PSG6: variants seen among roughly 807,000 people sequenced by gnomAD.
The protein encoded by PSG6 is pregnancy-specific beta-1-glycoprotein 6.
A neutral mutation model predicts 43.3 loss-of-function variants in PSG6; 51 were observed. The observed-to-expected ratio is 1.18, with a 90% CI of 0.94 to 1.49. The LOEUF is 1.49. Ranked by LOEUF, PSG6 falls within the 40% of genes most tolerant of loss-of-function variation. PSG6 has a pLI of 0.00. For synonymous variants in PSG6, 292 were observed against 197.6 expected, an observed-to-expected ratio of 1.48 and a Z score of -4.01; for missense variants, 770 against 522.2, an observed-to-expected ratio of 1.47 and a Z score of -4.62.
At chr19:42,903,350 A>G (rs1972063991) in intron 5 of PSG6, among the ~76,000 whole-genome samples, 1 of 151,628 alleles carries the variant, frequency 6.6e-6, no homozygotes, top group Admixed American at 6.6e-5. Flanking sequence ...AAAAGAAGAA[A>G]GAGCTCAGGT....
chr19:42,906,435 C>T (rs1171107084), intron 5 of PSG6, among the ~76,000 whole-genome samples: 1 of 151,522 alleles, frequency 6.6e-6, no homozygotes, highest in African/African-American at 2.4e-5. Flanking sequence ...CCAGAGGAGC[C>T]CGGAGCAGAG....
At chr19:42,910,065 C>T (rs1198529353) in intron 3 of PSG6, 1 of 194,290 alleles carries the variant, frequency 5.1e-6, no homozygotes, top group Admixed American at 5.3e-5. Flanking sequence ...ATCAATCAGC[C>T]AAGAATGCTC....
At chr19:42,906,541 T>C in intron 5 of PSG6, 6 of 1,289,886 alleles carry the variant, frequency 4.7e-6, no homozygotes, top group Non-Finnish European at 4.0e-6. Flanking sequence ...CCTCAGATGT[T>C]CCTTGTAGCT....
chr19:42,916,968 C>T (rs148027846), intron 1 of PSG6, among the ~76,000 whole-genome samples: 49 of 151,562 alleles, frequency 3.2e-4, no homozygotes, highest in Admixed American at 1.4e-3. Flanking sequence ...AGAGTGTGAG[C>T]TCTGTGAGGA....
chr19:42,916,059 T>C lies in PSG6; in HGVS notation c.427+66A>G, dbSNP rs866248479. 123 of 1,599,780 alleles carry C rather than the reference T, an allele frequency of 7.7e-5. 3 individuals are homozygous for C. Among genetic ancestry groups the C allele is most frequent in the African/African-American group, 7.0e-4 (52 of 74,348 alleles). On this transcript the variant is annotated intron_variant, in intron 2 of 5. Coordinates refer to ENST00000187910, the MANE Select transcript of PSG6 (RefSeq NM_001031850.4). ...ACAGGCAGAGTCCAGGCCTGACAAT[T>C]CTGTGTGTGTGAAGTAGAAATGACC...
intron 5 of PSG6, among the ~76,000 whole-genome samples, chr19:42,904,541 T>C (rs1972083212): frequency 6.6e-6 from 1 of 151,710 alleles, no homozygotes; most frequent in Admixed American, 6.6e-5. Context: ...TCAATTTATA[T>C]TCACATCAAA....
At chr19:42,915,189 CTG>C (rs1430939574) in intron 2 of PSG6, 1 of 151,634 alleles carries the variant, frequency 6.6e-6, no homozygotes, top group Non-Finnish European at 1.5e-5. Flanking sequence ...GGCTCAGTGA[CTG>C]TGCCTTCCTG....
In PSG6 at chr19:42,902,420, A is replaced by T; in HGVS notation, c.1267T>A (p.Ser423Thr). The change falls in exon 6 of 6, where the codon TCT becomes ACT. Residue 423 changes from serine to threonine, a missense_variant. Ser to Thr is a moderately conservative substitution (Grantham distance 58). Transcript: ENST00000187910. ...CTCTATTGTGGCAGCCATTAATGAGACTCTGTCTGGTTTCCATGGCAGGGA... is the reference window on the plus strand; with the variant it reads ...CTCTATTGTGGCAGCCATTAATGAGTCTCTGTCTGGTTTCCATGGCAGGGA... ...SGPCHGNQTE[S>T]H 2 of 1,610,706 alleles carry T rather than the reference A, an allele frequency of 1.2e-6. No homozygotes were observed. The highest frequency in any genetic ancestry group is 1.7e-4 in the Middle Eastern group (1 of 6,048).
rs1388163930 is a variant in PSG6 at position 42,907,756 on chromosome 19, T to C, written c.805A>G (p.Thr269Ala). ...FTCEPKSRNY[T>A]YIWWLNGQSL... ...TGACCATTTAGCCACCAAATGTAGG[T>C]GTAGTTCCGACTCTTAGGTTCACAG... Residue 269 changes from threonine (T) to alanine (A), a missense_variant, in exon 4 of 6, where the codon ACC (threonine) becomes GCC (alanine). By Grantham distance (58) the Thr-to-Ala change is moderately conservative. Transcript: ENST00000187910. 6.2e-7 allele frequency: 1 copy of C among 1,610,680 alleles called. No homozygotes were observed. The highest frequency in any genetic ancestry group is 8.5e-7 in the Non-Finnish European group (1 of 1,179,094).
intron 2 of PSG6, among the ~76,000 whole-genome samples, chr19:42,912,733 T>G (rs1256735856): frequency 2.6e-5 from 4 of 151,758 alleles, no homozygotes; most frequent in Non-Finnish European, 5.9e-5. Context: ...AATTTAAGTT[T>G]GTGTGAATTA....
intron 2 of PSG6, among the ~76,000 whole-genome samples, chr19:42,912,417 G>T (rs574269112): frequency 6.6e-6 from 1 of 151,676 alleles, no homozygotes; most frequent in African/African-American, 2.4e-5. Flanking sequence ...ACCAAAATAA[G>T]GTTTAGGTGT....
chr19:42,904,615 A>G (rs1317649514), intron 5 of PSG6, among the ~76,000 whole-genome samples: 2 of 151,764 alleles, frequency 1.3e-5, no homozygotes, highest in African/African-American at 4.8e-5. Flanking sequence ...TGAAATCTAC[A>G]AAGTATTGCT....
At chr19:42,911,805 C>G (rs1022483656) in intron 2 of PSG6, among the ~76,000 whole-genome samples, 1 of 151,660 alleles carries the variant, frequency 6.6e-6, no homozygotes, top group Non-Finnish European at 1.5e-5. Flanking sequence ...ATTAGACATT[C>G]TACTCTCTGA....
rs534824988 is a variant in PSG6 at position 42,905,762 on chromosome 19, A to G, written c.1240+1160T>C. Among the ~76,000 whole-genome samples the G allele has an allele frequency of 5.3e-5, 8 of 151,848 alleles. No individual in the cohort carries two copies. The South Asian group carries it at 1.1e-3, about 20-fold the overall frequency. On this transcript the variant is annotated intron_variant, in intron 5 of 5. Transcript: ENST00000187910. ...TTAACAAGGAAGAAAATTACAATAC[A>G]TCGTGCAAAATGGATGAACCTTGAA...
At chr19:42,913,537 T>C (rs1972267289) in intron 2 of PSG6, among the ~76,000 whole-genome samples, 1 of 151,712 alleles carries the variant, frequency 6.6e-6, no homozygotes, top group African/African-American at 2.4e-5. Flanking sequence ...AAGCTTGTTT[T>C]ATGCCTGACA....
At chr19:42,911,006 C>T (rs1972214304) in intron 2 of PSG6, 148 bp from the exon 3 acceptor site, 6 of 1,450,984 alleles carry the variant, frequency 4.1e-6, no homozygotes, top group Non-Finnish European at 5.5e-6. Context: ...AAGACAGATG[C>T]ATGGCAACCT....
chr19:42,907,796 A>G lies in PSG6; in HGVS notation c.765T>C (p.Asp255=), dbSNP rs1258276657. Residue 255 remains aspartate (D), a synonymous_variant, in exon 4 of 6, where the codon GAT becomes GAC. Transcript: ENST00000187910. ...TAGGTTCACAGGTGAAGGCTAACAC[A>G]TCCTTCTTCTCCCTGGGGTTTAAGT... ...INNLNPREKK[D]VLAFTCEPKS... 21 of 1,611,252 alleles carry G rather than the reference A, an allele frequency of 1.3e-5. No individual in the cohort carries two copies. Among genetic ancestry groups the G allele is most frequent in the Non-Finnish European group, 1.7e-5 (20 of 1,179,080 alleles).
chr19:42,906,473 C>T (rs567196892), intron 5 of PSG6, among the ~76,000 whole-genome samples: 1 of 151,448 alleles, frequency 6.6e-6, no homozygotes, highest in African/African-American at 2.4e-5. Context: ...GCTGCTCCTC[C>T]CTCACCCAAA....
chr19:42,917,575 G>A (rs142905466), intron 1 of PSG6, among the ~76,000 whole-genome samples, 154 bp downstream of exon 1: 1 of 151,038 alleles, frequency 6.6e-6, no homozygotes, highest in Admixed American at 6.6e-5. Flanking sequence ...GTGTTGGCCA[G>A]ACTGATCTTG....
Sources: gnomAD v4.1 joint callset for allele counts (sites outside exome capture counted in the v4.1 genomes callset) on GRCh38, gnomAD v4.1.1 for gene constraint, MANE v1.5 for transcripts, NCBI Gene and HGNC (gene_info 2026-07-23, HGNC 2026-07-21) for gene names.